PRKCB: variants seen among roughly 807,000 people sequenced by gnomAD.
PRKCB encodes protein kinase C beta, also known as protein kinase C beta type.
In PRKCB, 13 loss-of-function variants were observed where a neutral mutation model predicts 81.5. That is an observed-to-expected ratio of 0.16 (90% CI 0.10 to 0.25). PRKCB has a LOEUF of 0.25. PRKCB is among the 10% of genes least tolerant of loss of function. The pLI is 1.00. For synonymous variants in PRKCB, 335 were observed against 321.4 expected, an observed-to-expected ratio of 1.04 and a Z score of -0.45; for missense variants, 509 against 875.7, an observed-to-expected ratio of 0.58 and a Z score of 5.29.
At chr16:24,070,051 T>A (rs1389248852) in intron 5 of PRKCB, among the ~76,000 whole-genome samples, 1 of 151,968 alleles carries the variant, frequency 6.6e-6, no homozygotes, top group African/African-American at 2.4e-5. Flanking sequence ...CAGACACGAG[T>A]GCAAGGTGTC....
At chr16:23,840,689 A>T (rs1297054297) in intron 2 of PRKCB, among the ~76,000 whole-genome samples, 2 of 152,212 alleles carry the variant, frequency 1.3e-5, no homozygotes, top group African/African-American at 4.8e-5. Flanking sequence ...CAAAGAAACC[A>T]TTGAGAGTAA....
At chr16:23,869,036 T>C (rs1269653223) in intron 2 of PRKCB, 4 of 441,364 alleles carry the variant, frequency 9.1e-6, no homozygotes, top group African/African-American at 8.0e-5. Flanking sequence ...TGTGTTGTTG[T>C]CTCAATTATT....
At chr16:23,914,357 T>G (rs1414208805) in intron 2 of PRKCB, among the ~76,000 whole-genome samples, 1 of 152,106 alleles carries the variant, frequency 6.6e-6, no homozygotes, top group African/African-American at 2.4e-5. Flanking sequence ...CATTGGCATT[T>G]GTGGATTTGG....
intron 2 of PRKCB, among the ~76,000 whole-genome samples, chr16:23,977,644 T>A (rs1964643124): frequency 6.6e-6 from 1 of 152,204 alleles, no homozygotes; most frequent in Admixed American, 6.5e-5. Context: ...CACAGGAGAC[T>A]GGAAAGAACG....
chr16:24,194,765 G>A (rs1255204999), intron 16 of PRKCB, among the ~76,000 whole-genome samples: 2 of 152,150 alleles, frequency 1.3e-5, no homozygotes, highest in Non-Finnish European at 2.9e-5. Flanking sequence ...ACTGACCTGT[G>A]TCTTGAATTC....
intron 2 of PRKCB, among the ~76,000 whole-genome samples, chr16:23,965,528 A>G (rs16973032): frequency 0.047 from 7,197 of 152,330 alleles, 492 homozygotes; most frequent in African/African-American, 0.15. Context: ...GGAATCAATT[A>G]CATATAAATC....
chr16:23,962,153 T>G (rs575592019), intron 2 of PRKCB, among the ~76,000 whole-genome samples: 6 of 152,322 alleles, frequency 3.9e-5, no homozygotes, highest in Admixed American at 2.6e-4. Flanking sequence ...TGCCTCCAGA[T>G]CTGACTCCAC....
At chr16:23,907,336 A>G (rs906351961) in intron 2 of PRKCB, among the ~76,000 whole-genome samples, 3 of 152,244 alleles carry the variant, frequency 2.0e-5, no homozygotes, top group Admixed American at 6.5e-5. Flanking sequence ...GCAGTGCATG[A>G]TGTGATCATA....
rs778819280 is a variant in PRKCB, at chr16:24,218,742, C to G, written c.*3926C>G. The G allele has an allele frequency of 3.0e-6, 3 of 985,286 alleles. No individual in the cohort carries two copies. The highest frequency in any genetic ancestry group is 3.6e-6 in the Non-Finnish European group (3 of 829,988). 61.0% of individuals were successfully genotyped at this position (985,286 alleles called of 1,614,324 possible). On this transcript the variant is annotated 3_prime_UTR_variant, in exon 17 of 17. Transcript: ENST00000643927. ...CGCTAATGAGTCAGTGAATCCTTACCGACCCCCTGGCCTTTATAATCTGAG... is the reference window on the plus strand; with the variant it reads ...CGCTAATGAGTCAGTGAATCCTTACGGACCCCCTGGCCTTTATAATCTGAG...
At chr16:23,885,088 G>A (rs74012484) in intron 2 of PRKCB, among the ~76,000 whole-genome samples, 2,211 of 152,194 alleles carry the variant, frequency 0.015, 41 homozygotes, top group African/African-American at 0.051. Flanking sequence ...TAACAATAAC[G>A]ATAATAATAA....
chr16:24,135,582 G>A (rs748353546), intron 9 of PRKCB, among the ~76,000 whole-genome samples: 4 of 152,152 alleles, frequency 2.6e-5, no homozygotes, highest in Admixed American at 6.6e-5. Flanking sequence ...CAAAGTGATG[G>A]GATTACAGGC....
At chr16:24,023,645 G>C (rs1160129907) in intron 3 of PRKCB, among the ~76,000 whole-genome samples, 1 of 152,198 alleles carries the variant, frequency 6.6e-6, no homozygotes, top group African/African-American at 2.4e-5. Context: ...TGGGATTACA[G>C]ACGTGAGCCA....
intron 3 of PRKCB, among the ~76,000 whole-genome samples, chr16:24,022,860 G>A (rs780808992): frequency 5.9e-5 from 9 of 152,180 alleles, no homozygotes; most frequent in Non-Finnish European, 2.9e-5. Flanking sequence ...TTTCTAAGAA[G>A]CACCTTGTTG....
At chr16:24,109,120 C>T (rs1305059097) in intron 7 of PRKCB, among the ~76,000 whole-genome samples, 33 of 143,310 alleles carry the variant, frequency 2.3e-4, no homozygotes, top group Non-Finnish European at 3.6e-4. Context: ...CAGAGGCGCC[C>T]CTCACCTCCC....
chr16:24,133,898 A>ATTTTTTTT (rs113809790), intron 9 of PRKCB, among the ~76,000 whole-genome samples: 1 of 141,346 alleles, frequency 7.1e-6, no homozygotes, highest in African/African-American at 2.7e-5. Flanking sequence ...CCTAGTTTAA[A>ATTTTTTTT]TTTTTTTTTT....
At chr16:24,008,496 T>G (rs540265853) in intron 3 of PRKCB, among the ~76,000 whole-genome samples, 1 of 152,344 alleles carries the variant, frequency 6.6e-6, no homozygotes, top group African/African-American at 2.4e-5. Flanking sequence ...TTTTGACAAC[T>G]GTTTATTGTA....
At chr16:24,205,187 G>A (rs866199611) in intron 16 of PRKCB, among the ~76,000 whole-genome samples, 1 of 96,186 alleles carries the variant, frequency 1.0e-5, no homozygotes, top group Non-Finnish European at 2.0e-5. Flanking sequence ...GTCTTACTCT[G>A]TTACCCAGGC....
intron 3 of PRKCB, among the ~76,000 whole-genome samples, chr16:24,000,830 T>C (rs1476398609): frequency 1.3e-5 from 2 of 152,194 alleles, no homozygotes; most frequent in Admixed American, 1.3e-4. Flanking sequence ...GATGCAGTGC[T>C]AAGAAAAGAA....
chr16:24,199,323 A>G (rs1186632296), intron 16 of PRKCB, among the ~76,000 whole-genome samples: 1 of 152,214 alleles, frequency 6.6e-6, no homozygotes, highest in Non-Finnish European at 1.5e-5. Flanking sequence ...TACTGCTTTA[A>G]TGAGCTGCGA....
Sources: gnomAD v4.1 joint callset for allele counts (sites outside exome capture counted in the v4.1 genomes callset) on GRCh38, gnomAD v4.1.1 for gene constraint, MANE v1.5 for transcripts, NCBI Gene and HGNC (gene_info 2026-07-23, HGNC 2026-07-21) for gene names.